Variants in SPRY1 observed in about 807,000 individuals in gnomAD.
SPRY1 encodes sprouty RTK signaling antagonist 1, also known as protein sprouty homolog 1.
Under a neutral mutation model 22.6 loss-of-function variants are expected in SPRY1, and 20 were observed. The observed-to-expected ratio is 0.89, with a 90% CI of 0.62 to 1.29. The LOEUF is 1.29. SPRY1 is among the 50% of genes most tolerant of loss of function. SPRY1 has a pLI of 0.00. For synonymous variants in SPRY1, 155 were observed against 144.7 expected (o/e 1.07, Z -0.51); for missense variants, 446 against 387.7 (o/e 1.15, Z -1.26).
At chr4:123,401,460 G>C (rs991058053) in intron 2 of SPRY1, 77 bp from the exon 3 acceptor site, 3 of 1,305,376 alleles carry the variant, frequency 2.3e-6, no homozygotes, top group Middle Eastern at 2.8e-4. Context: ...TTTGTGATTT[G>C]ACAGGATTCC....
intron 2 of SPRY1, chr4:123,400,148 T>G (rs1725090148): frequency 6.6e-6 from 1 of 151,746 alleles, no homozygotes; most frequent in Non-Finnish European, 1.5e-5. Context: ...TGTGCAGGAG[T>G]CAGGATTAGA....
chr4:123,402,348 T>C lies in SPRY1; in HGVS notation c.757T>C (p.Cys253Arg). The change falls in exon 3 of 3, where the codon TGC becomes CGC. Residue 253 changes from cysteine (C) to arginine (R), a missense_variant. Transcript: ENST00000651917. ...DNPCSCSQSH[C>R]CSRYLCMGAM... ...TCCTTGCTCCTGTTCACAATCACAC[T>C]GCTGCTCTAGATACCTGTGTATGGG... 6.2e-7 allele frequency: 1 copy of C among 1,614,218 alleles called. No homozygotes were observed. The highest frequency in any genetic ancestry group is 8.5e-7 in the Non-Finnish European group (1 of 1,180,024).
chr4:123,401,676 T>C lies in SPRY1; in HGVS notation c.85T>C (p.Tyr29His). The change falls in exon 3 of 3, where the codon TAT becomes CAT. Residue 29 changes from tyrosine (Y) to histidine (H), a missense_variant. Coordinates refer to ENST00000651917, the MANE Select transcript of SPRY1 (RefSeq NM_001258038.2). ...PSLDSRQRLD[Y>H]EREIQPTAIL... ...TTTGGATAGCCGTCAGAGATTAGACTATGAGAGAGAGATTCAGCCTACTGC... is the reference window on the plus strand; with the variant it reads ...TTTGGATAGCCGTCAGAGATTAGACCATGAGAGAGAGATTCAGCCTACTGC... 6.2e-7 allele frequency: 1 copy of C among 1,614,154 alleles called. No individual in the cohort carries two copies. Among genetic ancestry groups the C allele is most frequent in the Non-Finnish European group, 8.5e-7 (1 of 1,180,040 alleles).
In SPRY1 at chr4:123,401,727, G is replaced by T. The variant is rs376428204; in HGVS notation, c.136G>T (p.Ala46Ser). ...TAILSLDQIK[A>S]IRGSNEYTEG... ...TATTTTGTCCTTAGACCAGATCAAGGCCATAAGAGGCAGCAATGAATACAC... is the reference window on the plus strand; with the variant it reads ...TATTTTGTCCTTAGACCAGATCAAGTCCATAAGAGGCAGCAATGAATACAC... Residue 46 changes from alanine to serine, a missense_variant, in exon 3 of 3, where the codon GCC (alanine) becomes TCC (serine). Transcript: ENST00000651917. 1.1e-4 allele frequency: 171 copies of T among 1,614,032 alleles called. 1 individual carries two copies. The highest frequency in any genetic ancestry group is 1.4e-4 in the Non-Finnish European group (168 of 1,180,050).
rs1725221826 is a variant in SPRY1, at chr4:123,402,642, T to G, written c.*91T>G. The G allele has an allele frequency of 9.4e-6, 14 of 1,487,668 alleles. No homozygotes were observed. In the South Asian group the frequency reaches 1.8e-4, roughly 19 times the overall value. 92.2% of individuals were successfully genotyped at this position (1,487,668 alleles called of 1,614,324 possible). On this transcript the variant is annotated 3_prime_UTR_variant, in exon 3 of 3. Transcript: ENST00000651917. ...TTTTTGTTTTTGTTTTCTTTAGAAT[T>G]TTTCCCTGTTTCCCACCTTCTCTTC... is the stretch of plus-strand genomic sequence containing the variant.
intron 2 of SPRY1, among the ~76,000 whole-genome samples, chr4:123,399,237 G>A (rs1418764724): frequency 6.6e-6 from 1 of 152,184 alleles, no homozygotes; most frequent in African/African-American, 2.4e-5. Context: ...TTAGCCGGCC[G>A]TGGTGACGCG....
At chr4:123,400,864 T>G (rs1048393426) in intron 2 of SPRY1, among the ~76,000 whole-genome samples, 8 of 151,870 alleles carry the variant, frequency 5.3e-5, no homozygotes, top group Admixed American at 2.6e-4. Flanking sequence ...ACATTGAGTC[T>G]TGTGTGTGTG....
In SPRY1 at chr4:123,402,455, C is replaced by G; in HGVS notation, c.864C>G (p.Asp288Glu). Residue 288 changes from aspartate to glutamate, a missense_variant, in exon 3 of 3, where the codon GAC becomes GAG. Coordinates refer to ENST00000651917, the MANE Select transcript of SPRY1 (RefSeq NM_001258038.2). ...TGAAGCTGTGCAGGAGGTGTTATGACTGGATCCATCGCCCAGGGTGCAGAT... is the reference window on the plus strand; with the variant it reads ...TGAAGCTGTGCAGGAGGTGTTATGAGTGGATCCATCGCCCAGGGTGCAGAT... Reference protein sequence around the residue: ...GCLKLCRRCYDWIHRPGCRCK... With the variant: ...GCLKLCRRCYEWIHRPGCRCK... The G allele has an allele frequency of 6.2e-7, 1 of 1,614,164 alleles. No homozygotes were observed. Among genetic ancestry groups the G allele is most frequent in the East Asian group, 2.2e-5 (1 of 44,880 alleles).
At position 123,402,689 on chromosome 4, in the gene SPRY1, C is replaced by T; in HGVS notation, c.*138C>T. ...CTTCCCCTGTTGCCAAGGTCTAACT[C>T]ATGGATTTTTCTCTTTCCTCATGGA... On this transcript the variant is annotated 3_prime_UTR_variant, in exon 3 of 3. Coordinates refer to ENST00000651917, the MANE Select transcript of SPRY1 (RefSeq NM_001258038.2). 1.7e-6 allele frequency: 2 copies of T among 1,154,904 alleles called. No homozygotes were observed. The highest frequency in any genetic ancestry group is 3.3e-5 in the South Asian group (2 of 60,304). The allele number at this position is 1,154,904 out of a possible 1,614,324, so 71.5% of individuals were successfully genotyped here. A position where few individuals can be genotyped will look rare whatever the true frequency, so the allele number is the denominator to read the frequency against.
At position 123,401,797 on chromosome 4, in the gene SPRY1, C is replaced by T. The variant is rs754063951; in HGVS notation, c.206C>T (p.Pro69Leu). 2.0e-5 allele frequency: 32 copies of T among 1,614,032 alleles called. No homozygotes were observed. Among genetic ancestry groups the T allele is most frequent in the Admixed American group, 1.8e-4 (11 of 59,992 alleles). The change falls in exon 3 of 3, where the codon CCA becomes CTA. Residue 69 changes from proline (P) to leucine (L), a missense_variant. By Grantham distance (98) the Pro-to-Leu change is moderately conservative. Coordinates refer to ENST00000651917, the MANE Select transcript of SPRY1 (RefSeq NM_001258038.2). ...AAAAGACCTGCTCCTCGGACAGCAC[C>T]AAGACAAGAAAAGCATGAAAGGACT... ...VVKRPAPRTA[P>L]RQEKHERTHE...
chr4:123,398,686 C>A (rs545139823), intron 2 of SPRY1, among the ~76,000 whole-genome samples: 2 of 150,876 alleles, frequency 1.3e-5, no homozygotes, highest in Non-Finnish European at 2.9e-5. Flanking sequence ...CCGCTCCCTG[C>A]CCCCTGGGGG....
chr4:123,401,914 G>GC lies in SPRY1; in HGVS notation c.327dup (p.Ile110HisfsTer23). The GC allele has an allele frequency of 6.2e-7, 1 of 1,614,146 alleles. No individual in the cohort carries two copies. The highest frequency in any genetic ancestry group is 8.5e-7 in the Non-Finnish European group (1 of 1,180,034). On this transcript the variant is annotated frameshift_variant, in exon 3 of 3. Coordinates refer to ENST00000651917, the MANE Select transcript of SPRY1 (RefSeq NM_001258038.2). LOFTEE classifies it high-confidence loss of function. ...GCAGTACTCCCAAGTAATGCCAGGG[G>GC]CCCCATTTTGAGCAGATCAACCAGC...
Position 123,402,284 on chromosome 4 carries a change from C to T in SPRY1, c.693C>T (p.His231=), listed in dbSNP as rs776384905. 6 of 1,614,136 alleles carry T rather than the reference C, an allele frequency of 3.7e-6. No individual in the cohort carries two copies. Among genetic ancestry groups the T allele is most frequent in the Admixed American group, 1.7e-5 (1 of 60,010 alleles). The change falls in exon 3 of 3, where the codon CAC becomes CAT. Residue 231 remains histidine (H), a synonymous_variant. Coordinates refer to ENST00000651917, the MANE Select transcript of SPRY1 (RefSeq NM_001258038.2). ...GCTTAGTCAAGGGCATCTTCTACCA[C>T]TGCTCCAATGACGACGAAGGGGATT... is the stretch of plus-strand genomic sequence containing the variant. The part of the protein sequence containing the change: ...CMCLVKGIFY[H]CSNDDEGDSY...
rs547630872 is a variant in SPRY1, at chr4:123,399,497, T to C, written c.-56+1641T>C. ...TTCATTCATAACTTTTTCCTTTTCC[T>C]TCTTCCGTCAACTATTTATTCAGTG... On this transcript the variant is annotated intron_variant, in intron 2 of 2. Transcript: ENST00000651917. The C allele has an allele frequency of 2.0e-5, 3 of 152,468 alleles. No homozygotes were observed. In the South Asian group the frequency reaches 6.2e-4, roughly 32 times the overall value. The allele number at this position is 152,468 out of a possible 1,614,324, so 9.4% of individuals were successfully genotyped here.
At position 123,402,655 on chromosome 4, in the gene SPRY1, C is replaced by T; in HGVS notation, c.*104C>T. ...TTTCTTTAGAATTTTTCCCTGTTTCCCACCTTCTCTTCCCCTGTTGCCAAG... is the reference window on the plus strand; with the variant it reads ...TTTCTTTAGAATTTTTCCCTGTTTCTCACCTTCTCTTCCCCTGTTGCCAAG... On this transcript the variant is annotated 3_prime_UTR_variant, in exon 3 of 3. Coordinates refer to ENST00000651917, the MANE Select transcript of SPRY1 (RefSeq NM_001258038.2). 1.4e-6 allele frequency: 2 copies of T among 1,423,292 alleles called. No individual in the cohort carries two copies. The highest frequency in any genetic ancestry group is 1.9e-6 in the Non-Finnish European group (2 of 1,056,352). 88.2% of individuals were successfully genotyped at this position (1,423,292 alleles called of 1,614,324 possible).
chr4:123,400,623 T>C (rs1006301134), intron 2 of SPRY1, among the ~76,000 whole-genome samples: 4 of 152,222 alleles, frequency 2.6e-5, no homozygotes, highest in African/African-American at 4.8e-5. Flanking sequence ...GAACGTTGAA[T>C]CAGAATTGGC....
chr4:123,398,631 A>G (rs1218904699), intron 2 of SPRY1: 12 of 151,262 alleles, frequency 7.9e-5, no homozygotes, highest in Admixed American at 2.0e-4. Flanking sequence ...ACTCCGGGAG[A>G]GGAGGGGAGG....
chr4:123,402,894 A>T lies in SPRY1; in HGVS notation c.*343A>T. On this transcript the variant is annotated 3_prime_UTR_variant, in exon 3 of 3. Transcript: ENST00000651917. ...ACCCACATCCAGACTACAGTGATTT[A>T]GAGTTGTTTTGATTGGGTACCGTGG... The T allele has an allele frequency of 2.2e-6, 1 of 446,948 alleles. No individual in the cohort carries two copies. The highest frequency in any genetic ancestry group is 4.1e-6 in the Non-Finnish European group (1 of 245,418). 27.7% of individuals were successfully genotyped at this position (446,948 alleles called of 1,614,324 possible).
chr4:123,399,132 T>C (rs1314999745), intron 2 of SPRY1, among the ~76,000 whole-genome samples: 1 of 114,820 alleles, frequency 8.7e-6, no homozygotes, highest in Admixed American at 8.6e-5. Context: ...ATCCCAGCAC[T>C]TGGGGGGGCC....
Sources: gnomAD v4.1 joint callset for allele counts (sites outside exome capture counted in the v4.1 genomes callset) on GRCh38, gnomAD v4.1.1 for gene constraint, MANE v1.5 for transcripts, NCBI Gene and HGNC (gene_info 2026-07-23, HGNC 2026-07-21) for gene names.